The following RAB3GAP2 variants were observed in gnomAD, a reference collection of about 807,000 sequenced individuals.
RAB3GAP2 encodes the protein rab3 GTPase-activating protein non-catalytic subunit.
In RAB3GAP2, 87 loss-of-function variants were observed where a neutral mutation model predicts 185.3. The observed-to-expected ratio is 0.47, with a 90% CI of 0.39 to 0.56. RAB3GAP2 has a LOEUF of 0.56. Ranked by LOEUF, RAB3GAP2 falls within the 20% of genes least tolerant of loss-of-function variation. The pLI is 0.00. For synonymous variants in RAB3GAP2, 554 were observed against 576.1 expected, an observed-to-expected ratio of 0.96 and a Z score of 0.55; for missense variants, 1,492 against 1,638.2, an observed-to-expected ratio of 0.91 and a Z score of 1.54.
Position 220,195,141 on chromosome 1 carries a change from T to G in RAB3GAP2, c.1067A>C (p.His356Pro), listed in dbSNP as rs1255040850. 6.2e-7 allele frequency: 1 copy of G among 1,614,044 alleles called. No homozygotes were observed. Among genetic ancestry groups the G allele is most frequent in the Non-Finnish European group, 8.5e-7 (1 of 1,180,012 alleles). The part of the protein sequence containing the change: ...ASGWLGWKSK[H>P]EEEAVQKQKP... ...TTGCTTTTGGACAGCTTCTTCTTCGTGCTTACTTTTCCAACCAAGCCAACC... is the reference window on the plus strand; with the variant it reads ...TTGCTTTTGGACAGCTTCTTCTTCGGGCTTACTTTTCCAACCAAGCCAACC... The change falls in exon 12 of 35, where the codon CAC (histidine) becomes CCC (proline). Residue 356 changes from histidine to proline, a missense_variant. Physicochemically the swap from His to Pro is moderately conservative, Grantham distance 77. This residue lies in a region of RAB3GAP2 where 243 missense variants were observed against 314.8 expected (regional missense o/e 0.77). Transcript: ENST00000358951.
At position 220,266,901 on chromosome 1, in the gene RAB3GAP2, T is replaced by C. The variant is rs1055879903; in HGVS notation, c.115+5322A>G. 5.0e-6 allele frequency: 8 copies of C among 1,590,664 alleles called. No homozygotes were observed. In the Admixed American group the frequency reaches 1.2e-4, roughly 23 times the overall value. On this transcript the variant is annotated intron_variant, in intron 1 of 34. Transcript: ENST00000358951. ...GTGAATTCTCAACCCGTGATATTCTTTTGTAGGTCTCTTGGTATGTATTTG... is the reference window on the plus strand; with the variant it reads ...GTGAATTCTCAACCCGTGATATTCTCTTGTAGGTCTCTTGGTATGTATTTG...
chr1:220,254,497 G>A (rs146145094), intron 1 of RAB3GAP2: 111,993 of 1,612,234 alleles, frequency 0.069, 4,382 homozygotes, highest in Non-Finnish European at 0.077. Flanking sequence ...TAGTGCCAGC[G>A]ATTATGAAGT....
intron 2 of RAB3GAP2, among the ~76,000 whole-genome samples, chr1:220,222,785 G>GA (rs750081933): frequency 1.2e-4 from 19 of 152,006 alleles, no homozygotes; most frequent in Non-Finnish European, 2.5e-4. Context: ...TAGTGCCAAA[G>GA]AAAAACCCCC....
chr1:220,171,249 C>T (rs1439049522), intron 23 of RAB3GAP2, 129 bp from the exon 24 acceptor site: 15 of 830,808 alleles, frequency 1.8e-5, no homozygotes, highest in Non-Finnish European at 3.0e-5. Flanking sequence ...TGCTATTTCA[C>T]AAATATTACT....
intron 28 of RAB3GAP2, among the ~76,000 whole-genome samples, chr1:220,161,551 A>G (rs1571875959): frequency 1.3e-5 from 2 of 152,186 alleles, no homozygotes; most frequent in South Asian, 2.1e-4. Flanking sequence ...AAAGCTACTC[A>G]TGCTGGTTGT....
intron 1 of RAB3GAP2, among the ~76,000 whole-genome samples, chr1:220,249,138 A>G (rs1659882156): frequency 6.6e-6 from 1 of 152,170 alleles, no homozygotes; most frequent in African/African-American, 2.4e-5. Flanking sequence ...GGCAGAGGTT[A>G]GAACAGTTTA....
intron 2 of RAB3GAP2, among the ~76,000 whole-genome samples, chr1:220,225,256 A>G (rs1461479697): frequency 6.6e-6 from 1 of 152,212 alleles, no homozygotes; most frequent in African/African-American, 2.4e-5. Context: ...ACTTAGCTGC[A>G]CTTTTCACAA....
chr1:220,224,051 A>C (rs1659360187), intron 2 of RAB3GAP2, among the ~76,000 whole-genome samples: 1 of 151,220 alleles, frequency 6.6e-6, no homozygotes, highest in Non-Finnish European at 1.5e-5. Context: ...ATATCTTTTG[A>C]ATTTATTCTG....
intron 1 of RAB3GAP2, among the ~76,000 whole-genome samples, chr1:220,234,740 T>C (rs1423429952): frequency 2.0e-5 from 3 of 152,110 alleles, no homozygotes; most frequent in Non-Finnish European, 4.4e-5. Flanking sequence ...GGACTACTAA[T>C]GGGAACTTGG....
At chr1:220,171,786 C>T (rs1479174416) in intron 23 of RAB3GAP2, 103 bp downstream of exon 23, 8 of 1,321,238 alleles carry the variant, frequency 6.1e-6, no homozygotes, top group Admixed American at 1.7e-5. Context: ...CCTCTCATCC[C>T]TCTCCCCGCT....
Position 220,224,716 on chromosome 1 carries a change from G to A in RAB3GAP2, c.180+8083C>T, listed in dbSNP as rs115530073. 4.7e-3 allele frequency among the ~76,000 whole-genome samples: 719 copies of A among 152,124 alleles called. 4 individuals are homozygous for A. The highest frequency in any genetic ancestry group is 5.5e-3 in the Non-Finnish European group (376 of 68,002). On this transcript the variant is annotated intron_variant, in intron 2 of 34. Coordinates refer to ENST00000358951, the MANE Select transcript of RAB3GAP2 (RefSeq NM_012414.4). ...CCAAAAAACAAATGAACAAAATCAA[G>A]GAGAAAAGGCACAAAATGTGAGAGC...
Position 220,176,963 on chromosome 1 carries a change from C to G in RAB3GAP2, c.2311-4221G>C, listed in dbSNP as rs1020524546. 4.6e-5 allele frequency among the ~76,000 whole-genome samples: 7 copies of G among 152,264 alleles called. No homozygotes were observed. The South Asian group carries it at 1.5e-3, about 32-fold the overall frequency. On this transcript the variant is annotated intron_variant, in intron 21 of 34. Coordinates refer to ENST00000358951, the MANE Select transcript of RAB3GAP2 (RefSeq NM_012414.4). ...AGGAACCTGCTGGGCGACACATAAC[C>G]ATCTGAGCCAACAAAACAGGCCCCC...
At chr1:220,267,612 G>T in intron 1 of RAB3GAP2, 1 of 1,369,708 alleles carries the variant, frequency 7.3e-7, no homozygotes, top group African/African-American at 1.4e-5. Flanking sequence ...TGCCGACAGC[G>T]GGGACTGCTT....
chr1:220,200,237 A>T (rs1658823568), intron 9 of RAB3GAP2, among the ~76,000 whole-genome samples: 1 of 152,110 alleles, frequency 6.6e-6, no homozygotes, highest in Admixed American at 6.5e-5. Context: ...GCTCCTTCTC[A>T]TCCTTCAAGT....
chr1:220,211,276 AACTTT>A (rs1365321838), intron 4 of RAB3GAP2: 6 of 591,402 alleles, frequency 1.0e-5, no homozygotes, highest in Non-Finnish European at 1.9e-5. Context: ...CAGAAAGCAA[AACTTT>A]ACTTACACAA....
At chr1:220,154,266 C>T (rs1657816966) in intron 31 of RAB3GAP2, 20 of 636,420 alleles carry the variant, frequency 3.1e-5, no homozygotes, top group South Asian at 4.2e-5. Flanking sequence ...TCCTGGTATT[C>T]GTGTTTCCTA....
At position 220,205,902 on chromosome 1, in the gene RAB3GAP2, A is replaced by G; in HGVS notation, c.712+5T>C. On this transcript the variant is annotated splice_donor_5th_base_variant and intron_variant, in intron 8 of 34. Transcript: ENST00000358951. ...GAGGTTAAATATTTCTTGCCAAAATATTACCTTTTGCTACCTGATTTCGAC... is the reference window on the plus strand; with the variant it reads ...GAGGTTAAATATTTCTTGCCAAAATGTTACCTTTTGCTACCTGATTTCGAC... 1 of 1,574,808 alleles carries G rather than the reference A, an allele frequency of 6.3e-7. No homozygotes were observed. Among genetic ancestry groups the G allele is most frequent in the Non-Finnish European group, 8.7e-7 (1 of 1,144,984 alleles).
At chr1:220,237,028 A>G (rs994202241) in intron 1 of RAB3GAP2, among the ~76,000 whole-genome samples, 1 of 152,220 alleles carries the variant, frequency 6.6e-6, no homozygotes, top group Non-Finnish European at 1.5e-5. Context: ...GCTCACCATG[A>G]TTGTTTCTTA....
chr1:220,155,300 T>C (rs1657838331), intron 31 of RAB3GAP2, among the ~76,000 whole-genome samples: 1 of 152,208 alleles, frequency 6.6e-6, no homozygotes, highest in Non-Finnish European at 1.5e-5. Context: ...CCTAGGTATC[T>C]TCCAATGTGC....
Sources: gnomAD v4.1 joint callset for allele counts (sites outside exome capture counted in the v4.1 genomes callset) on GRCh38, gnomAD v4.1.1 for gene constraint, gnomAD v4.1.1 regional missense constraint, MANE v1.5 for transcripts, NCBI Gene and HGNC (gene_info 2026-07-23, HGNC 2026-07-21) for gene names.